WDR19: variants seen among roughly 807,000 people sequenced by gnomAD.
WDR19 encodes WD repeat-containing protein 19.
Under a neutral mutation model 180.0 loss-of-function variants are expected in WDR19, and 121 were observed. That is an observed-to-expected ratio of 0.67 (90% CI 0.58 to 0.78). The LOEUF (loss-of-function observed/expected upper bound fraction) is 0.78. Ranked by LOEUF, WDR19 falls within the 30% of genes least tolerant of loss-of-function variation. The probability of loss-of-function intolerance (pLI) is 0.00; values close to 1 mark genes in which losing one functional copy is unlikely to be tolerated. For synonymous variants in WDR19, 497 were observed against 540.7 expected (o/e 0.92, Z 1.12); for missense variants, 1,450 against 1,640.7 (o/e 0.88, Z 2.01).
At chr4:39,242,615 G>A (rs548482651) in intron 21 of WDR19, among the ~76,000 whole-genome samples, 14 of 152,212 alleles carry the variant, frequency 9.2e-5, no homozygotes, top group Admixed American at 3.9e-4. Context: ...TTGACACCAG[G>A]AGTTCAAGAC....
chr4:39,269,907 A>T (rs563697924), intron 30 of WDR19, 69 bp from the exon 31 acceptor site: 1 of 1,572,018 alleles, frequency 6.4e-7, no homozygotes, highest in African/African-American at 1.4e-5. Flanking sequence ...CACTAGTAAG[A>T]TGGGGGTCCA....
intron 35 of WDR19, 30 bp downstream of exon 35, chr4:39,278,237 C>G: frequency 1.3e-6 from 2 of 1,556,966 alleles, no homozygotes; most frequent in Non-Finnish European, 1.7e-6. Flanking sequence ...CTCAGTCTCA[C>G]TGATTTCTCC....
intron 5 of WDR19, among the ~76,000 whole-genome samples, chr4:39,197,932 A>G (rs1269120102): frequency 6.6e-6 from 1 of 152,154 alleles, no homozygotes; most frequent in East Asian, 1.9e-4. Context: ...TCAATCTCCC[A>G]GGCTCAAGGG....
Position 39,232,193 on chromosome 4 carries a change from A to G in WDR19, c.2174A>G (p.His725Arg). 2 of 1,613,520 alleles carry G rather than the reference A, an allele frequency of 1.2e-6. No individual in the cohort carries two copies. The highest frequency in any genetic ancestry group is 1.7e-6 in the Non-Finnish European group (2 of 1,179,752). Residue 725 changes from histidine (H) to arginine (R), a missense_variant, in exon 19 of 37, where the codon CAC (histidine) becomes CGC (arginine). Transcript: ENST00000399820. ...GAGGACTACAATCTTTTGGCAGGAC[A>G]CCTTGCCATGTTTACCAACGATTAT... ...GIEDYNLLAG[H>R]LAMFTNDYNL... is the part of the protein sequence containing the mutation.
intron 9 of WDR19, among the ~76,000 whole-genome samples, chr4:39,210,200 C>A (rs1264563507): frequency 6.6e-6 from 1 of 151,996 alleles, no homozygotes; most frequent in African/African-American, 2.4e-5. Flanking sequence ...TATACCAAGA[C>A]CAAACAAAGA....
At chr4:39,182,693 GA>G in intron 1 of WDR19, 130 bp downstream of exon 1, 4 of 1,395,670 alleles carry the variant, frequency 2.9e-6, no homozygotes, top group Non-Finnish European at 2.9e-6. Flanking sequence ...GAGAGAGAGA[GA>G]GGTGGCCAGA....
chr4:39,218,313 G>A (rs150062597), intron 14 of WDR19: 2 of 653,382 alleles, frequency 3.1e-6, no homozygotes, highest in Non-Finnish European at 5.0e-6. Flanking sequence ...TTTCATCATT[G>A]TGTGGATGTC....
intron 31 of WDR19, 62 bp from the exon 32 acceptor site, chr4:39,272,918 C>T: frequency 2.2e-6 from 3 of 1,373,334 alleles, no homozygotes; most frequent in Non-Finnish European, 3.0e-6. Flanking sequence ...TTTGGGGGAA[C>T]AAAGCATGAA....
chr4:39,195,366 C>CAAAAAAAAAAACA (rs1726622383), intron 5 of WDR19, among the ~76,000 whole-genome samples: 2 of 135,670 alleles, frequency 1.5e-5, no homozygotes, highest in African/African-American at 5.7e-5. Context: ...GACTTCATCT[C>CAAAAAAAAAAACA]AAAAAAAAAA....
At position 39,194,453 on chromosome 4, in the gene WDR19, A is replaced by G. The variant is rs1449049944; in HGVS notation, c.291-91A>G. 3 of 719,306 alleles carry G rather than the reference A, an allele frequency of 4.2e-6. No individual in the cohort carries two copies. The African/African-American group carries it at 5.4e-5, about 13-fold the overall frequency. 44.6% of individuals were successfully genotyped at this position (719,306 alleles called of 1,614,324 possible). On this transcript the variant is annotated intron_variant, in intron 4 of 36. Coordinates refer to ENST00000399820, the MANE Select transcript of WDR19 (RefSeq NM_025132.4). ...ATTTTGTACTTTGGCTTCTAAGTAG[A>G]TGTTAAAATTATCCAAGGAGTACTT... is the stretch of plus-strand genomic sequence containing the variant.
intron 9 of WDR19, among the ~76,000 whole-genome samples, chr4:39,206,845 G>C (rs758587893): frequency 2.0e-5 from 3 of 152,166 alleles, no homozygotes; most frequent in South Asian, 2.1e-4. Flanking sequence ...GCTACAGAAG[G>C]CTCCTTGAAA....
At chr4:39,262,330 G>A (rs1221933808) in intron 28 of WDR19, among the ~76,000 whole-genome samples, 3 of 151,954 alleles carry the variant, frequency 2.0e-5, no homozygotes, top group Non-Finnish European at 2.9e-5. Context: ...CTGCAGCCTC[G>A]ACCTCCTGGG....
At chr4:39,232,724 C>T (rs568643240) in intron 19 of WDR19, among the ~76,000 whole-genome samples, 11 of 150,796 alleles carry the variant, frequency 7.3e-5, no homozygotes, top group African/African-American at 2.7e-4. Flanking sequence ...AAGGAAAGAA[C>T]ATAAGAATAT....
intron 28 of WDR19, among the ~76,000 whole-genome samples, chr4:39,258,444 C>A (rs1476192430): frequency 6.6e-6 from 1 of 152,196 alleles, no homozygotes; most frequent in Non-Finnish European, 1.5e-5. Context: ...AGCCACTGCA[C>A]CCAGCCCAGC....
chr4:39,231,394 G>C (rs989124114), intron 17 of WDR19, among the ~76,000 whole-genome samples: 4 of 151,056 alleles, frequency 2.6e-5, no homozygotes, highest in Non-Finnish European at 4.4e-5. Context: ...AACAGCACCT[G>C]ACTAGATTTG....
chr4:39,280,991 T>C (rs1422523180), intron 36 of WDR19, among the ~76,000 whole-genome samples: 1 of 152,150 alleles, frequency 6.6e-6, no homozygotes, highest in Non-Finnish European at 1.5e-5. Context: ...ATTTTCCTCA[T>C]TGACACTGGA....
intron 14 of WDR19, among the ~76,000 whole-genome samples, chr4:39,224,156 T>A (rs1729991309): frequency 6.6e-6 from 1 of 152,178 alleles, no homozygotes; most frequent in African/African-American, 2.4e-5. Context: ...TAATATACAT[T>A]CAGTTGATTC....
At chr4:39,262,448 C>T (rs1305659884) in intron 28 of WDR19, among the ~76,000 whole-genome samples, 1 of 152,106 alleles carries the variant, frequency 6.6e-6, no homozygotes, top group Non-Finnish European at 1.5e-5. Context: ...GCTATGTTGC[C>T]TTGGCTGGTC....
intron 1 of WDR19, among the ~76,000 whole-genome samples, chr4:39,184,554 C>T (rs1725313721): frequency 1.3e-5 from 2 of 152,102 alleles, no homozygotes; most frequent in African/African-American, 4.8e-5. Flanking sequence ...GCAACCTCCA[C>T]CTCCCGGGTT....
Sources: allele counts gnomAD v4.1 joint callset (sites outside exome capture counted in the v4.1 genomes callset), GRCh38; gene constraint gnomAD v4.1.1; transcripts MANE v1.5; gene names NCBI Gene and HGNC (gene_info 2026-07-23, HGNC 2026-07-21).